DSE: variants seen among roughly 807,000 people sequenced by gnomAD.
DSE encodes the protein dermatan sulfate epimerase, also known as dermatan-sulfate epimerase.
In DSE, 36 loss-of-function variants were observed where a neutral mutation model predicts 84.4. The ratio of observed to expected loss-of-function variants is 0.43; its 90% CI spans 0.33 to 0.56. The LOEUF (loss-of-function observed/expected upper bound fraction) is 0.56. Among genes scored for constraint, DSE ranks in the 20% least tolerant of loss-of-function variants. The probability of loss-of-function intolerance (pLI) is 0.06; values close to 1 mark genes in which losing one functional copy is unlikely to be tolerated. For missense variants in DSE, 862 were observed against 1,169.6 expected, an observed-to-expected ratio of 0.74 and a Z score of 3.84; for synonymous variants, 410 against 430.1, an observed-to-expected ratio of 0.95 and a Z score of 0.58.
At chr6:116,342,211 A>G (rs1268411833) in intron 2 of DSE, among the ~76,000 whole-genome samples, 3 of 151,070 alleles carry the variant, frequency 2.0e-5, no homozygotes, top group Non-Finnish European at 4.4e-5. Flanking sequence ...AAGTGGATAT[A>G]TTAGATAATA....
intron 2 of DSE, among the ~76,000 whole-genome samples, chr6:116,335,691 G>A (rs1422923392): frequency 6.6e-6 from 1 of 152,216 alleles, no homozygotes; most frequent in Non-Finnish European, 1.5e-5. Context: ...GGATATGATA[G>A]AATGGTTGGT....
At chr6:116,335,476 A>C (rs1385329277) in intron 2 of DSE, among the ~76,000 whole-genome samples, 1 of 152,212 alleles carries the variant, frequency 6.6e-6, no homozygotes, top group African/African-American at 2.4e-5. Flanking sequence ...AACCCCCATG[A>C]CATGTTTACC....
upstream of DSE, among the ~76,000 whole-genome samples, chr6:116,368,834 T>G (rs1247511371): frequency 2.7e-5 from 4 of 149,178 alleles, no homozygotes; most frequent in East Asian, 7.9e-4. Context: ...CCAGGTAAAT[T>G]GAAGTATTCT....
At chr6:116,368,435 A>G (rs761523219), upstream of DSE, among the ~76,000 whole-genome samples, 1 of 152,244 alleles carries the variant, frequency 6.6e-6, no homozygotes, top group Non-Finnish European at 1.5e-5. Context: ...CAGTTATATC[A>G]ATGATACCCA....
chr6:116,281,744 TTAAA>T (rs1201721809), intron 2 of DSE, among the ~76,000 whole-genome samples: 2 of 152,206 alleles, frequency 1.3e-5, no homozygotes, highest in African/African-American at 4.8e-5. Flanking sequence ...TATTAAAATG[TTAAA>T]TAAAGGAGCA....
chr6:116,436,388 C>T lies in DSE; in HGVS notation c.1920C>T (p.Pro640=), dbSNP rs1347919128. ...CAGTGACATATCCTCGGGGCTATCC[C>T]TACAATGGGACAAACTATGTGAATG... is the stretch of plus-strand genomic sequence containing the variant. ...FASVTYPRGY[P]YNGTNYVNVT... The change falls in exon 6 of 6, where the codon CCC becomes CCT. Residue 640 remains proline (P), a synonymous_variant. Transcript: ENST00000644252. 7 of 1,614,168 alleles carry T rather than the reference C, an allele frequency of 4.3e-6. No individual in the cohort carries two copies. The highest frequency in any genetic ancestry group is 5.9e-6 in the Non-Finnish European group (7 of 1,180,028).
intron 2 of DSE, among the ~76,000 whole-genome samples, chr6:116,286,493 C>A (rs2114660367): frequency 6.6e-6 from 1 of 152,274 alleles, no homozygotes; most frequent in East Asian, 1.9e-4. Flanking sequence ...TCAACTCTAT[C>A]AGACTGAATG....
At chr6:116,345,104 C>A (rs1212716541) in intron 2 of DSE, among the ~76,000 whole-genome samples, 1 of 152,036 alleles carries the variant, frequency 6.6e-6, no homozygotes, top group Non-Finnish European at 1.5e-5. Context: ...ACAGGAGCAC[C>A]CAGATTCATA....
intron 2 of DSE, among the ~76,000 whole-genome samples, chr6:116,273,933 G>C (rs146973690): frequency 1.3e-5 from 2 of 150,516 alleles, no homozygotes; most frequent in Non-Finnish European, 2.9e-5. Context: ...GGGTTCAAGC[G>C]ATTCTCCTGC....
At chr6:116,254,681 C>T (rs1452778809) in intron 1 of DSE, among the ~76,000 whole-genome samples, 2 of 152,198 alleles carry the variant, frequency 1.3e-5, no homozygotes, top group Non-Finnish European at 2.9e-5. Context: ...AACAAGTGGA[C>T]AATATTTCCT....
intron 1 of DSE, among the ~76,000 whole-genome samples, chr6:116,382,826 T>C (rs1271827908): frequency 6.6e-6 from 1 of 152,080 alleles, no homozygotes; most frequent in African/African-American, 2.4e-5. Context: ...TTGAGGTAAG[T>C]GAACAAATAG....
At chr6:116,326,719 A>C (rs1776642360) in intron 2 of DSE, among the ~76,000 whole-genome samples, 2 of 152,232 alleles carry the variant, frequency 1.3e-5, no homozygotes, top group Admixed American at 1.3e-4. Flanking sequence ...GGTACAAAGC[A>C]TGAATTTAGG....
intron 1 of DSE, among the ~76,000 whole-genome samples, chr6:116,388,528 G>A (rs1411684543): frequency 1.3e-5 from 2 of 152,286 alleles, no homozygotes; most frequent in South Asian, 4.1e-4. Flanking sequence ...AAACATCAAA[G>A]GGGGAGAATT....
At chr6:116,298,381 A>T (rs1420466576) in intron 2 of DSE, among the ~76,000 whole-genome samples, 1 of 152,192 alleles carries the variant, frequency 6.6e-6, no homozygotes, top group African/African-American at 2.4e-5. Context: ...ATGTAATCAC[A>T]AGTGTTCTTT....
chr6:116,269,766 C>T (rs1772804642), intron 2 of DSE, among the ~76,000 whole-genome samples: 1 of 152,136 alleles, frequency 6.6e-6, no homozygotes, highest in Admixed American at 6.5e-5. Flanking sequence ...GAAATACATA[C>T]TTTTAATAGC....
chr6:116,370,796 G>T, upstream of DSE: 1 of 977,348 alleles, frequency 1.0e-6, no homozygotes, highest in Non-Finnish European at 1.2e-6. Flanking sequence ...GCCGGGGGAG[G>T]GGGTCCCCGT....
chr6:116,426,456 A>T (rs1583219800), intron 2 of DSE, 118 bp from the exon 3 acceptor site: 1 of 1,349,532 alleles, frequency 7.4e-7, no homozygotes. Flanking sequence ...GTGTGTCATT[A>T]AGCCCTTGGA....
chr6:116,430,899 G>C (rs926389994), intron 3 of DSE, 55 bp from the exon 4 acceptor site: 1 of 1,590,750 alleles, frequency 6.3e-7, no homozygotes, highest in African/African-American at 1.4e-5. Flanking sequence ...CCATATTTTT[G>C]TTTATGCTTT....
chr6:116,402,424 C>T (rs1259719348), intron 2 of DSE, among the ~76,000 whole-genome samples: 2 of 152,070 alleles, frequency 1.3e-5, no homozygotes, highest in African/African-American at 4.8e-5. Flanking sequence ...CATTAGTGTC[C>T]TGATGTATAA....
Sources: gnomAD v4.1 joint callset for allele counts (sites outside exome capture counted in the v4.1 genomes callset) on GRCh38, gnomAD v4.1.1 for gene constraint, MANE v1.5 for transcripts, NCBI Gene and HGNC (gene_info 2026-07-23, HGNC 2026-07-21) for gene names.